NR3C2: variants seen among roughly 807,000 people sequenced by gnomAD.
NR3C2 encodes nuclear receptor subfamily 3 group C member 2, also known as mineralocorticoid receptor.
Under a neutral mutation model 86.4 loss-of-function variants are expected in NR3C2, and 15 were observed. The observed-to-expected ratio is 0.17, with a 90% CI of 0.12 to 0.27. NR3C2 has a LOEUF of 0.27. NR3C2 is among the 10% of genes least tolerant of loss of function. The pLI is 1.00. For missense variants in NR3C2, 960 were observed against 1,195.6 expected (o/e 0.80, Z 2.91); for synonymous variants, 458 against 450.5 (o/e 1.02, Z -0.21).
chr4:148,429,003 C>T (rs1296450222), intron 2 of NR3C2, among the ~76,000 whole-genome samples: 1 of 152,144 alleles, frequency 6.6e-6, no homozygotes, highest in Admixed American at 6.5e-5. Flanking sequence ...ACCCCCAACC[C>T]CGACATCACA....
rs569762939 is a variant in NR3C2, at chr4:148,149,284, T to C, written c.2510+3185A>G. On this transcript the variant is annotated intron_variant, in intron 6 of 8. Coordinates refer to ENST00000358102, the MANE Select transcript of NR3C2 (RefSeq NM_000901.5). ...ATTAGAAAGCATTTATCTTTTGTTGTTTCCATTTTATCTGTATCAATATTT... is the reference window on the plus strand; with the variant it reads ...ATTAGAAAGCATTTATCTTTTGTTGCTTCCATTTTATCTGTATCAATATTT... Among the ~76,000 whole-genome samples, 7 of 152,334 alleles carry C rather than the reference T, an allele frequency of 4.6e-5. No homozygotes were observed. The South Asian group carries it at 1.5e-3, about 32-fold the overall frequency.
intron 4 of NR3C2, among the ~76,000 whole-genome samples, chr4:148,186,787 C>T (rs1313795926): frequency 6.6e-6 from 1 of 150,682 alleles, no homozygotes; most frequent in African/African-American, 2.4e-5. Flanking sequence ...CCCCAAGTCC[C>T]CAGAGTCCAG....
chr4:148,121,591 T>C (rs765134433), intron 6 of NR3C2, among the ~76,000 whole-genome samples: 15 of 152,192 alleles, frequency 9.9e-5, no homozygotes, highest in African/African-American at 1.4e-4. Flanking sequence ...ATCCCATCCA[T>C]CTCTTCCTCT....
chr4:148,394,246 C>T (rs1430752090), intron 2 of NR3C2, among the ~76,000 whole-genome samples: 2 of 152,048 alleles, frequency 1.3e-5, no homozygotes, highest in Non-Finnish European at 2.9e-5. Flanking sequence ...TCCAGCCAAG[C>T]CCACCCAAAA....
At chr4:148,361,407 C>A (rs1341863129) in intron 2 of NR3C2, among the ~76,000 whole-genome samples, 1 of 152,190 alleles carries the variant, frequency 6.6e-6, no homozygotes, top group Non-Finnish European at 1.5e-5. Flanking sequence ...TTATTGCCAA[C>A]ATCATCATTA....
At chr4:148,247,917 C>G (rs1040220229) in intron 3 of NR3C2, among the ~76,000 whole-genome samples, 6 of 152,124 alleles carry the variant, frequency 3.9e-5, no homozygotes, top group African/African-American at 1.4e-4. Flanking sequence ...ACCTCAGTCA[C>G]TGCTATAGCT....
At position 148,436,759 on chromosome 4, in the gene NR3C2, T is replaced by C; in HGVS notation, c.102A>G (p.Thr34=). The C allele has an allele frequency of 3.1e-6, 5 of 1,614,132 alleles. No individual in the cohort carries two copies. The highest frequency in any genetic ancestry group is 4.2e-6 in the Non-Finnish European group (5 of 1,179,962). ...QAVERSSLGP[T]ERTDENNYME... is the part of the protein sequence containing the mutation. Reference sequence around the variant, plus strand: ...TGTAGTTATTCTCATCGGTCCTCTCTGTAGGTCCCAGGGAAGAACGCTCCA... The same window carrying C: ...TGTAGTTATTCTCATCGGTCCTCTCCGTAGGTCCCAGGGAAGAACGCTCCA... Residue 34 remains threonine, a synonymous_variant, in exon 2 of 9, where the codon ACA becomes ACG. Transcript: ENST00000358102.
rs370486017 is a variant in NR3C2 at position 148,133,909 on chromosome 4, G to A, written c.2511-13621C>T. On this transcript the variant is annotated intron_variant, in intron 6 of 8. Coordinates refer to ENST00000358102, the MANE Select transcript of NR3C2 (RefSeq NM_000901.5). ...TTTCTATCTTGAAGTCTATGATCCC[G>A]TAAAGTAAGCACACTTGCTTTCTAT... Among the ~76,000 whole-genome samples the A allele has an allele frequency of 3.3e-4, 51 of 152,286 alleles. 1 individual carries two copies. The South Asian group carries it at 6.0e-3, about 18-fold the overall frequency.
intron 2 of NR3C2, among the ~76,000 whole-genome samples, chr4:148,311,943 T>A (rs1742921457): frequency 6.6e-6 from 1 of 152,258 alleles, no homozygotes; most frequent in South Asian, 2.1e-4. Flanking sequence ...CTCAAACTTC[T>A]CAGTGAGGCC....
At chr4:148,127,401 TGAATA>T (rs1267352804) in intron 6 of NR3C2, among the ~76,000 whole-genome samples, 1 of 152,248 alleles carries the variant, frequency 6.6e-6, no homozygotes, top group Non-Finnish European at 1.5e-5. Flanking sequence ...TACCTCATTT[TGAATA>T]GAATAATGTA....
intron 3 of NR3C2, among the ~76,000 whole-genome samples, chr4:148,219,933 C>T (rs1737747718): frequency 2.0e-5 from 3 of 152,066 alleles, no homozygotes; most frequent in Non-Finnish European, 2.9e-5. Context: ...ATAATTTTTT[C>T]TTTGTTTGAG....
intron 2 of NR3C2, among the ~76,000 whole-genome samples, chr4:148,410,025 C>G (rs1386273637): frequency 2.0e-5 from 3 of 151,832 alleles, no homozygotes; most frequent in Admixed American, 1.3e-4. Flanking sequence ...CAATAACTAC[C>G]ATTATACATG....
intron 2 of NR3C2, among the ~76,000 whole-genome samples, chr4:148,341,069 C>A (rs939641186): frequency 4.6e-5 from 7 of 152,012 alleles, no homozygotes; most frequent in African/African-American, 1.7e-4. Flanking sequence ...ATGGAGACTC[C>A]TCAAAAAACT....
intron 3 of NR3C2, among the ~76,000 whole-genome samples, chr4:148,242,166 T>C (rs1323360093): frequency 6.6e-6 from 1 of 152,202 alleles, no homozygotes; most frequent in Non-Finnish European, 1.5e-5. Flanking sequence ...TTAATGCTGC[T>C]GAACTGTACA....
At chr4:148,283,222 G>C (rs1211441901) in intron 2 of NR3C2, among the ~76,000 whole-genome samples, 3 of 152,162 alleles carry the variant, frequency 2.0e-5, no homozygotes, top group African/African-American at 7.2e-5. Context: ...AGTGGGGTCA[G>C]GTAAGCCAAT....
intron 7 of NR3C2, among the ~76,000 whole-genome samples, chr4:148,114,927 C>T (rs10010766): frequency 0.39 from 59,292 of 151,874 alleles, 11,939 homozygotes; most frequent in East Asian, 0.65. Context: ...CTCATGACCA[C>T]TAAGGCACGT....
At chr4:148,268,396 G>T (rs964454844) in intron 2 of NR3C2, among the ~76,000 whole-genome samples, 2 of 152,064 alleles carry the variant, frequency 1.3e-5, no homozygotes, top group African/African-American at 4.8e-5. Context: ...AACTAAATAA[G>T]GTTCATCCTC....
At chr4:148,339,859 T>C (rs1744667898) in intron 2 of NR3C2, among the ~76,000 whole-genome samples, 1 of 152,038 alleles carries the variant, frequency 6.6e-6, no homozygotes, top group Non-Finnish European at 1.5e-5. Context: ...AGTTGCAGAA[T>C]ACAAAGTCAA....
At chr4:148,170,316 C>G (rs1477396624) in intron 4 of NR3C2, among the ~76,000 whole-genome samples, 1 of 152,136 alleles carries the variant, frequency 6.6e-6, no homozygotes, top group African/African-American at 2.4e-5. Context: ...CATGAAATAT[C>G]TTGGGTATAT....
Sources: allele counts gnomAD v4.1 joint callset (sites outside exome capture counted in the v4.1 genomes callset), GRCh38; gene constraint gnomAD v4.1.1; transcripts MANE v1.5; gene names NCBI Gene and HGNC (gene_info 2026-07-23, HGNC 2026-07-21).